The following CDH2 variants were observed in gnomAD, a reference collection of about 807,000 sequenced individuals.
The protein encoded by CDH2 is cadherin 2.
Under a neutral mutation model 92.0 loss-of-function variants are expected in CDH2, and 17 were observed. The observed-to-expected ratio is 0.18, with a 90% CI of 0.13 to 0.28. CDH2 has a LOEUF of 0.28. Among genes scored for constraint, CDH2 ranks in the 10% least tolerant of loss-of-function variants. CDH2 has a pLI of 1.00. For missense variants in CDH2, 862 were observed against 1,133.1 expected, an observed-to-expected ratio of 0.76 and a Z score of 3.44; for synonymous variants, 419 against 415.9, an observed-to-expected ratio of 1.01 and a Z score of -0.09.
chr18:27,971,503 G>A (rs1598998745), intron 14 of CDH2, among the ~76,000 whole-genome samples: 1 of 152,110 alleles, frequency 6.6e-6, no homozygotes, highest in Admixed American at 6.6e-5. Context: ...CAGGAATGAT[G>A]AAGGAAAAGT....
intron 5 of CDH2, among the ~76,000 whole-genome samples, chr18:28,006,415 G>A (rs956764026): frequency 1.3e-5 from 2 of 152,016 alleles, no homozygotes; most frequent in Admixed American, 1.3e-4. Flanking sequence ...CAGACTTAAG[G>A]TAATTAAAAA....
rs771312999 is a variant in CDH2, at chr18:27,983,036, G to T, written c.2257C>A (p.Arg753Ser). The T allele has an allele frequency of 1.2e-6, 2 of 1,612,172 alleles. No individual in the cohort carries two copies. Among genetic ancestry groups the T allele is most frequent in the Non-Finnish European group, 1.7e-6 (2 of 1,178,698 alleles). The change falls in exon 14 of 16, where the codon CGC becomes AGC. Residue 753 changes from arginine (R) to serine (S), a missense_variant. By Grantham distance (110) the Arg-to-Ser change is moderately radical. This residue lies in a region of CDH2 where 564 missense variants were observed against 722.2 expected (regional missense o/e 0.78). Transcript: ENST00000269141. Reference protein sequence around the residue: ...VVWMKRRDKERQAKQLLIDPE... With the variant: ...VVWMKRRDKESQAKQLLIDPE... ...TCAATTAAAAGTTGTTTGGCCTGGCGTTCTTTATCCCGGCGTTTCATCCAT... is the reference window on the plus strand; with the variant it reads ...TCAATTAAAAGTTGTTTGGCCTGGCTTTCTTTATCCCGGCGTTTCATCCAT...
chr18:28,095,820 A>AAAAAG (rs1555641276), intron 2 of CDH2, among the ~76,000 whole-genome samples: 3 of 151,446 alleles, frequency 2.0e-5, no homozygotes, highest in African/African-American at 7.3e-5. Context: ...AAAAAAAAAA[A>AAAAAG]AAAAAGAAAG....
intron 2 of CDH2, chr18:28,045,668 C>T: frequency 3.6e-6 from 1 of 277,364 alleles, no homozygotes; most frequent in Non-Finnish European, 7.1e-6. Context: ...AGACAAAGCC[C>T]TCCCCCACAT....
intron 2 of CDH2, among the ~76,000 whole-genome samples, chr18:28,031,469 A>G (rs763592529): frequency 1.3e-4 from 20 of 152,150 alleles, no homozygotes; most frequent in Non-Finnish European, 2.4e-4. Context: ...AACAAACTGG[A>G]TCATGTTCAA....
At chr18:28,149,351 G>A (rs2016086399) in intron 1 of CDH2, among the ~76,000 whole-genome samples, 1 of 152,060 alleles carries the variant, frequency 6.6e-6, no homozygotes, top group Admixed American at 6.5e-5. Flanking sequence ...GAAAGAACTG[G>A]AACTACATTT....
chr18:27,978,699 C>T (rs1249402470), intron 14 of CDH2, among the ~76,000 whole-genome samples: 5 of 151,958 alleles, frequency 3.3e-5, no homozygotes, highest in Non-Finnish European at 7.4e-5. Flanking sequence ...GGCCCAGACT[C>T]TGGAGTGCAG....
At chr18:28,145,905 T>C (rs867188436) in intron 2 of CDH2, among the ~76,000 whole-genome samples, 27 of 152,056 alleles carry the variant, frequency 1.8e-4, no homozygotes, top group South Asian at 4.1e-4. Context: ...CAGAGACCAT[T>C]ATACATACTT....
chr18:28,104,875 T>C (rs2015296004), intron 2 of CDH2, among the ~76,000 whole-genome samples: 1 of 152,054 alleles, frequency 6.6e-6, no homozygotes, highest in Non-Finnish European at 1.5e-5. Context: ...TCTTGGATGA[T>C]AATTTTACTT....
chr18:28,165,636 T>C (rs996217317), intron 1 of CDH2, among the ~76,000 whole-genome samples: 13 of 152,142 alleles, frequency 8.5e-5, no homozygotes, highest in African/African-American at 2.7e-4. Context: ...ATCAAATGTG[T>C]TGTCCAAGTC....
chr18:27,938,332 T>C (rs969854017), intron 6 of CDH2, among the ~76,000 whole-genome samples: 2 of 152,202 alleles, frequency 1.3e-5, no homozygotes, highest in African/African-American at 2.4e-5. Context: ...AGAATGGGCT[T>C]ATACAGCATA....
At chr18:28,161,578 T>C (rs2016306716) in intron 1 of CDH2, among the ~76,000 whole-genome samples, 1 of 121,104 alleles carries the variant, frequency 8.3e-6, no homozygotes. Context: ...AAACCCTGTC[T>C]CGAAAAAAAA....
At chr18:28,018,442 TA>T (rs1599037465) in intron 2 of CDH2, among the ~76,000 whole-genome samples, 4 of 152,068 alleles carry the variant, frequency 2.6e-5, no homozygotes, top group Admixed American at 2.6e-4. Context: ...AAAGCAAGAC[TA>T]AGCAAAATGA....
At chr18:28,123,783 T>C (rs2015630832) in intron 2 of CDH2, among the ~76,000 whole-genome samples, 1 of 152,096 alleles carries the variant, frequency 6.6e-6, no homozygotes, top group African/African-American at 2.4e-5. Context: ...CCTAACTGTT[T>C]GCAAGACCAT....
intron 2 of CDH2, among the ~76,000 whole-genome samples, chr18:28,085,492 C>A (rs2014909297): frequency 6.6e-6 from 1 of 152,114 alleles, no homozygotes; most frequent in South Asian, 2.1e-4. Flanking sequence ...GCATCATTCC[C>A]ATATCATGGC....
intron 7 of CDH2, 102 bp from the exon 8 acceptor site, chr18:27,993,739 A>G: frequency 3.5e-6 from 3 of 866,142 alleles, no homozygotes; most frequent in Non-Finnish European, 5.5e-6. Context: ...AGAGCATGGC[A>G]TCATTCATTC....
chr18:28,039,416 C>A (rs185157519), intron 2 of CDH2, among the ~76,000 whole-genome samples: 40 of 152,162 alleles, frequency 2.6e-4, no homozygotes, highest in Middle Eastern at 3.4e-3. Context: ...TCACTGATTT[C>A]GCATACAGGA....
chr18:28,176,192 CGCCCCCGGGGCGCAT>C (rs2016538142), intron 1 of CDH2, among the ~76,000 whole-genome samples: 2 of 152,276 alleles, frequency 1.3e-5, no homozygotes, highest in Admixed American at 1.3e-4. Context: ...CAGGCAAAGG[CGCCCCCGGGGCGCAT>C]ATAGGGCACA....
At chr18:28,080,882 G>A (rs2014816152) in intron 2 of CDH2, among the ~76,000 whole-genome samples, 1 of 152,170 alleles carries the variant, frequency 6.6e-6, no homozygotes, top group African/African-American at 2.4e-5. Context: ...GTGATATACA[G>A]ATTTCCTATA....
Sources: allele counts gnomAD v4.1 joint callset (sites outside exome capture counted in the v4.1 genomes callset), GRCh38; gene constraint gnomAD v4.1.1; regional missense constraint gnomAD v4.1.1; transcripts MANE v1.5; gene names NCBI Gene and HGNC (gene_info 2026-07-23, HGNC 2026-07-21).